Variants in SCLT1 observed in about 807,000 individuals in gnomAD.
SCLT1 encodes sodium channel-associated protein 1.
Under a neutral mutation model 112.8 loss-of-function variants are expected in SCLT1, and 78 were observed. The observed-to-expected ratio is 0.69, with a 90% CI of 0.58 to 0.83. SCLT1 has a LOEUF of 0.83. Among genes scored for constraint, SCLT1 ranks in the 40% least tolerant of loss-of-function variants. The probability of loss-of-function intolerance (pLI) is 0.00; values close to 1 mark genes in which losing one functional copy is unlikely to be tolerated. For missense variants in SCLT1, 747 were observed against 770.4 expected, an observed-to-expected ratio of 0.97 and a Z score of 0.36; for synonymous variants, 257 against 254.7, an observed-to-expected ratio of 1.01 and a Z score of -0.09.
intron 5 of SCLT1, among the ~76,000 whole-genome samples, chr4:129,006,586 C>A (rs1042424890): frequency 6.6e-6 from 1 of 151,808 alleles, no homozygotes; most frequent in Non-Finnish European, 1.5e-5. Context: ...CGTAATTGTC[C>A]CCCATTGATT....
At chr4:128,990,121 C>A (rs1393843326) in intron 9 of SCLT1, among the ~76,000 whole-genome samples, 1 of 151,888 alleles carries the variant, frequency 6.6e-6, no homozygotes, top group Non-Finnish European at 1.5e-5. Context: ...CACCCTGCTA[C>A]CAAAACCAGA....
rs528905688 is a variant in SCLT1, at chr4:129,053,557, A to ATTTTTTTTTTTTTTTTTTTT, written c.103-9526_103-9507dup. ...TTAGAGACTAGGATTGCAATCCCTGATTTTTTTTTTTTTTTTTTTTTTTTT... is the reference window on the plus strand; with the variant it reads ...TTAGAGACTAGGATTGCAATCCCTGATTTTTTTTTTTTTTTTTTTTTTTTTTTTTTTTTTTTTTTTTTTTT... On this transcript the variant is annotated intron_variant, in intron 2 of 20. Coordinates refer to ENST00000281142, the MANE Select transcript of SCLT1 (RefSeq NM_144643.4). 3.4e-3 allele frequency among the ~76,000 whole-genome samples: 156 copies of ATTTTTTTTTTTTTTTTTTTT among 45,236 alleles called. 30 individuals carry two copies. Among genetic ancestry groups the ATTTTTTTTTTTTTTTTTTTT allele is most frequent in the Non-Finnish European group, 4.5e-3 (117 of 25,854 alleles). The allele number at this position is 45,236 out of a possible 152,430, so 29.7% of individuals were successfully genotyped here.
At chr4:129,070,022 TTC>T (rs1278459505) in intron 2 of SCLT1, among the ~76,000 whole-genome samples, 2 of 152,300 alleles carry the variant, frequency 1.3e-5, no homozygotes, top group East Asian at 1.9e-4. Flanking sequence ...CATGTGATTC[TTC>T]TGTTTTTAAT....
rs781691952 is a variant in SCLT1 at position 129,093,076 on chromosome 4, C to T, written c.28G>A (p.Glu10Lys). Residue 10 changes from glutamate (E) to lysine (K), a missense_variant, in exon 1 of 21, where the codon GAG becomes AAG. Glu to Lys is a moderately conservative substitution (Grantham distance 56, BLOSUM62 1). This residue lies in a region of SCLT1 where 723 missense variants were observed against 721.3 expected (regional missense o/e 1.00). Transcript: ENST00000281142. MAAEIDFLR[E>K]QNRRLNEDFR... ...AAAAAAACATGGAGCTTACTTTGCT[C>T]TCTCAGAAAGTCGATTTCTGCAGCC... 1.2e-6 allele frequency: 2 copies of T among 1,611,596 alleles called. No individual in the cohort carries two copies. The highest frequency in any genetic ancestry group is 2.2e-5 in the East Asian group (1 of 44,888).
intron 5 of SCLT1, among the ~76,000 whole-genome samples, chr4:129,019,199 T>C (rs1017246110): frequency 2.6e-5 from 4 of 152,138 alleles, no homozygotes; most frequent in Admixed American, 6.5e-5. Context: ...CCAAGAAAAT[T>C]ACCCAGGCAG....
intron 5 of SCLT1, among the ~76,000 whole-genome samples, chr4:129,014,296 T>A (rs978955702): frequency 6.6e-6 from 1 of 152,140 alleles, no homozygotes; most frequent in African/African-American, 2.4e-5. Flanking sequence ...ATATTCTGAT[T>A]TCTATTTCTG....
intron 4 of SCLT1, among the ~76,000 whole-genome samples, chr4:128,875,924 A>G (rs1264052060): frequency 1.3e-5 from 2 of 152,174 alleles, no homozygotes; most frequent in Non-Finnish European, 2.9e-5. Flanking sequence ...GCAAAAAAAT[A>G]TTATCTGCAT....
chr4:128,935,388 C>A lies in SCLT1; in HGVS notation c.1829+1267G>T, dbSNP rs560878739. Among the ~76,000 whole-genome samples the A allele has an allele frequency of 2.0e-5, 3 of 152,090 alleles. No homozygotes were observed. In the South Asian group the frequency reaches 6.2e-4, roughly 32 times the overall value. ...TTAGAAGGTCCATTCTCAGTCCTTACCTTACTCAACCAATGAATAACAGAT... is the reference window on the plus strand; with the variant it reads ...TTAGAAGGTCCATTCTCAGTCCTTAACTTACTCAACCAATGAATAACAGAT... On this transcript the variant is annotated intron_variant, in intron 18 of 20. Coordinates refer to ENST00000281142, the MANE Select transcript of SCLT1 (RefSeq NM_144643.4).
chr4:129,015,922 G>A (rs1744952030), intron 5 of SCLT1, among the ~76,000 whole-genome samples: 1 of 152,096 alleles, frequency 6.6e-6, no homozygotes, highest in Non-Finnish European at 1.5e-5. Context: ...CCACCTAGCT[G>A]CATCTAGTTG....
At chr4:128,898,288 G>A (rs972570923) in intron 18 of SCLT1, among the ~76,000 whole-genome samples, 1 of 152,174 alleles carries the variant, frequency 6.6e-6, no homozygotes, top group Non-Finnish European at 1.5e-5. Context: ...GCACTCCTCA[G>A]CAAATGTAAA....
At chr4:129,091,575 G>C (rs1431810948) in intron 1 of SCLT1, among the ~76,000 whole-genome samples, 1 of 151,986 alleles carries the variant, frequency 6.6e-6, no homozygotes, top group East Asian at 1.9e-4. Context: ...TGGCCAGTTA[G>C]CTGTTCTTAT....
At chr4:128,918,209 C>T (rs915043303) in intron 18 of SCLT1, among the ~76,000 whole-genome samples, 1 of 152,058 alleles carries the variant, frequency 6.6e-6, no homozygotes, top group Non-Finnish European at 1.5e-5. Context: ...AGATAAGATG[C>T]TTAGGAACCA....
chr4:128,899,587 T>C (rs1291323827), intron 18 of SCLT1, among the ~76,000 whole-genome samples: 2 of 152,068 alleles, frequency 1.3e-5, no homozygotes, highest in South Asian at 2.1e-4. Flanking sequence ...GGGCAAAAAC[T>C]GGAAGCATTC....
At chr4:128,928,610 T>TC (rs1736492825) in intron 18 of SCLT1, among the ~76,000 whole-genome samples, 4 of 152,158 alleles carry the variant, frequency 2.6e-5, no homozygotes, top group African/African-American at 9.7e-5. Flanking sequence ...GGCAGGTGGA[T>TC]CACCTGTGGT....
intron 18 of SCLT1, among the ~76,000 whole-genome samples, chr4:128,896,808 C>T (rs544479849): frequency 1.6e-4 from 25 of 152,206 alleles, no homozygotes; most frequent in Admixed American, 5.2e-4. Context: ...ACTAGAATAA[C>T]GAATGCAGAG....
chr4:129,084,279 T>A (rs1752208190), intron 1 of SCLT1, among the ~76,000 whole-genome samples: 1 of 152,154 alleles, frequency 6.6e-6, no homozygotes, highest in Non-Finnish European at 1.5e-5. Flanking sequence ...CATATGTGAT[T>A]AATCCAAAAA....
At chr4:128,986,903 G>A (rs1186937878) in intron 9 of SCLT1, among the ~76,000 whole-genome samples, 1 of 152,102 alleles carries the variant, frequency 6.6e-6, no homozygotes, top group Non-Finnish European at 1.5e-5. Context: ...GTAGCCATGA[G>A]AGTGGGCACG....
chr4:128,882,481 C>T (rs765542920), downstream of SCLT1, among the ~76,000 whole-genome samples: 24 of 152,218 alleles, frequency 1.6e-4, no homozygotes, highest in Non-Finnish European at 2.9e-4. Context: ...CCTATTTAGT[C>T]TCCTTTAATG....
intron 19 of SCLT1, 109 bp downstream of exon 19, chr4:128,890,950 A>C (rs1427177563): frequency 2.8e-6 from 2 of 713,270 alleles, no homozygotes; most frequent in Admixed American, 5.1e-5. Flanking sequence ...TGATTTCTGT[A>C]TTGTTATTTC....
Sources: allele counts gnomAD v4.1 joint callset (sites outside exome capture counted in the v4.1 genomes callset), GRCh38; gene constraint gnomAD v4.1.1; regional missense constraint gnomAD v4.1.1; transcripts MANE v1.5; gene names NCBI Gene and HGNC (gene_info 2026-07-23, HGNC 2026-07-21).